HJURP: variants seen among roughly 807,000 people sequenced by gnomAD.
The protein encoded by HJURP is 14-3-3-associated AKT substrate.
A neutral mutation model predicts 72.0 loss-of-function variants in HJURP; 49 were observed. That is an observed-to-expected ratio of 0.68 (90% CI 0.54 to 0.86). HJURP has a LOEUF of 0.86. HJURP is among the 40% of genes least tolerant of loss of function. The probability of loss-of-function intolerance (pLI) is 0.00; values close to 1 mark genes in which losing one functional copy is unlikely to be tolerated. For missense variants in HJURP, 908 were observed against 936.3 expected (o/e 0.97, Z 0.39); for synonymous variants, 357 against 347.1 (o/e 1.03, Z -0.32).
In HJURP at chr2:233,854,494, C is replaced by G. The variant is rs200911857; in HGVS notation, c.7G>C (p.Gly3Arg). ML[G>R]TLRAMEGEDV... ...TCGCCCTCCATGGCGCGCAGCGTAC[C>G]CAGCATCGGACCCAGCCAGTACCCA... Residue 3 changes from glycine (G) to arginine (R), a missense_variant, in exon 1 of 9, where the codon GGT becomes CGT. Physicochemically the swap from Gly to Arg is moderately radical, Grantham distance 125. Transcript: ENST00000411486. The G allele has an allele frequency of 3.7e-4, 597 of 1,611,248 alleles. 4 individuals carry two copies. Among genetic ancestry groups the G allele is most frequent in the Non-Finnish European group, 1.2e-5 (14 of 1,178,494 alleles).
chr2:233,841,442 G>A lies in HJURP; in HGVS notation c.1338C>T (p.Cys446=). The change falls in exon 8 of 9, where the codon TGC becomes TGT. Residue 446 remains cysteine, a synonymous_variant. Transcript: ENST00000411486. ...GGCGAGGCTGGTTCCTGGGACTCAG[G>A]CAATATTCCCGATGAAGCTGATCAA... ...IRFDQLHREY[C]LSPRNQPRRM... 1.2e-6 allele frequency: 2 copies of A among 1,614,216 alleles called. No homozygotes were observed. The highest frequency in any genetic ancestry group is 1.7e-6 in the Non-Finnish European group (2 of 1,180,040).
In HJURP at chr2:233,849,829, C is replaced by G; in HGVS notation, c.271G>C (p.Asp91His). The change falls in exon 4 of 9, where the codon GAT (aspartate) becomes CAT (histidine). Residue 91 changes from aspartate to histidine, a missense_variant. By Grantham distance (81) the Asp-to-His change is moderately conservative (BLOSUM62 -1). Coordinates refer to ENST00000411486, the MANE Select transcript of HJURP (RefSeq NM_018410.5). ...CAGGCTGCAGCTTGCACGGAGCCAT[C>G]TGTCCTGTCCGCGGGCTTCATGGAG... ...DSSMKPADRT[D>H]GSVQAAAWGP... 6.4e-7 allele frequency: 1 copy of G among 1,553,522 alleles called. No individual in the cohort carries two copies. The highest frequency in any genetic ancestry group is 8.7e-7 in the Non-Finnish European group (1 of 1,147,860).
chr2:233,848,507 G>T (rs575435496), intron 4 of HJURP, among the ~76,000 whole-genome samples: 1 of 152,304 alleles, frequency 6.6e-6, no homozygotes, highest in East Asian at 1.9e-4. Context: ...GTGCTCAGCG[G>T]GGACATGAGA....
intron 2 of HJURP, among the ~76,000 whole-genome samples, 190 bp from the exon 3 acceptor site, chr2:233,852,810 A>G (rs1246860607): frequency 3.3e-5 from 5 of 152,216 alleles, no homozygotes; most frequent in Non-Finnish European, 5.9e-5. Context: ...TTCGTCATTC[A>G]TGGAAATCTC....
rs36103039 is a variant in HJURP, at chr2:233,837,328, CAA to C, written c.*247_*248del. On this transcript the variant is annotated 3_prime_UTR_variant, in exon 9 of 9. Coordinates refer to ENST00000411486, the MANE Select transcript of HJURP (RefSeq NM_018410.5). ...AACAAACAAACAAATAACCCCCCCC[CAA>C]AAAAAACACACACATCAGAAAAACA... 2.4e-5 allele frequency: 7 copies of C among 294,146 alleles called. No homozygotes were observed. Among genetic ancestry groups the C allele is most frequent in the African/African-American group, 1.4e-4 (6 of 42,180 alleles). 18.2% of individuals were successfully genotyped at this position (294,146 alleles called of 1,614,324 possible). A position where few individuals can be genotyped will look rare whatever the true frequency, so the allele number is the denominator to read the frequency against.
At chr2:233,849,066 A>G (rs962521091) in intron 4 of HJURP, among the ~76,000 whole-genome samples, 10 of 152,230 alleles carry the variant, frequency 6.6e-5, no homozygotes, top group African/African-American at 2.4e-4. Context: ...AACCTCACCC[A>G]GAGTTGGGCT....
rs1705353196 is a variant in HJURP at position 233,846,030 on chromosome 2, C to CACA, written c.403-211_403-210insTGT. 4.1e-6 allele frequency: 2 copies of CACA among 488,390 alleles called. No individual in the cohort carries two copies. The highest frequency in any genetic ancestry group is 3.3e-5 in the East Asian group (1 of 30,592). 30.3% of individuals were successfully genotyped at this position (488,390 alleles called of 1,614,324 possible). A position where few individuals can be genotyped will look rare whatever the true frequency, so the allele number is the denominator to read the frequency against. The stretch of plus-strand genomic sequence containing the variant: ...AAGAATGTAAAAAGACACACACACA[C>CACA]AAAAAAACCATGTCTAGAGAAGTTT... On this transcript the variant is annotated intron_variant, in intron 5 of 8. Transcript: ENST00000411486. The surrounding 1 kb of genome is among the most constrained non-coding windows in gnomAD (Gnocchi z 4.3).
rs747885483 is a variant in HJURP, at chr2:233,841,928, G to A, written c.852C>T (p.Ser284=). ...AGTTTTGCATGATGAACGTTTTGGT[G>A]GAGATGATGCTTGATGGCTTTGTGC... ...LLSTKPSSII[S]TKTFIMQNWN... is the part of the protein sequence containing the mutation. The change falls in exon 8 of 9, where the codon TCC becomes TCT. Residue 284 remains serine, a synonymous_variant. Coordinates refer to ENST00000411486, the MANE Select transcript of HJURP (RefSeq NM_018410.5). The A allele has an allele frequency of 1.9e-6, 3 of 1,614,050 alleles. No homozygotes were observed. Among genetic ancestry groups the A allele is most frequent in the African/African-American group, 1.3e-5 (1 of 74,924 alleles).
chr2:233,850,013 A>G (rs1252019235), intron 3 of HJURP, among the ~76,000 whole-genome samples, 154 bp from the exon 4 acceptor site: 2 of 152,234 alleles, frequency 1.3e-5, no homozygotes, highest in South Asian at 2.1e-4. Flanking sequence ...TCCACTTTAT[A>G]AGAGGCCTCA....
intron 7 of HJURP, among the ~76,000 whole-genome samples, chr2:233,842,600 A>AT (rs34711279): frequency 0.68 from 103,646 of 151,466 alleles, 36,468 homozygotes; most frequent in East Asian, 0.87. Flanking sequence ...TTAAAAAAAA[A>AT]AAACCAACAG....
Position 233,847,461 on chromosome 2 carries a change from T to C in HJURP, c.338A>G (p.Asp113Gly). ...LPSHRTVLGADSKSGEVDATS... is the reference protein window; with the variant it reads ...LPSHRTVLGAGSKSGEVDATS... ...GGCATCGACCTCACCGCTTTTTGAA[T>C]CTAAAAGTCAAACAAGTAAATCTCA... The change falls in exon 5 of 9, where the codon GAT becomes GGT. Residue 113 changes from aspartate to glycine, a missense_variant and splice_region_variant. Around this residue, in one of 3 missense-constraint regions of HJURP, gnomAD observed 299 missense variants for 286.7 expected, o/e 1.04. Coordinates refer to ENST00000411486, the MANE Select transcript of HJURP (RefSeq NM_018410.5). 1 of 1,613,740 alleles carries C rather than the reference T, an allele frequency of 6.2e-7. No homozygotes were observed. The highest frequency in any genetic ancestry group is 8.5e-7 in the Non-Finnish European group (1 of 1,179,602).
At chr2:233,840,022 A>T (rs1705180503) in intron 8 of HJURP, among the ~76,000 whole-genome samples, 1 of 152,182 alleles carries the variant, frequency 6.6e-6, no homozygotes, top group South Asian at 2.1e-4. Context: ...CTCTAGAGAA[A>T]AGGGCACACG....
rs545856531 is a variant in HJURP at position 233,841,177 on chromosome 2, G to A, written c.1603C>T (p.Arg535Cys). The change falls in exon 8 of 9, where the codon CGC becomes TGC. Residue 535 changes from arginine to cysteine, a missense_variant. Arg to Cys is a radical substitution (Grantham distance 180). Transcript: ENST00000411486. ...TGAAGGTCAGATGTCTGCTGCGGGC[G>A]AGTTGCGCTGTGTGTGGGGTTGGTC... is the stretch of plus-strand genomic sequence containing the variant. ...PKTNPTHSAT[R>C]PQQTSDLHVQ... is the part of the protein sequence containing the mutation. 31 of 1,614,090 alleles carry A rather than the reference G, an allele frequency of 1.9e-5. No individual in the cohort carries two copies. The highest frequency in any genetic ancestry group is 6.7e-5 in the East Asian group (3 of 44,902).
At chr2:233,844,664 C>T (rs1384938410) in intron 6 of HJURP, among the ~76,000 whole-genome samples, 1 of 152,120 alleles carries the variant, frequency 6.6e-6, no homozygotes, top group African/African-American at 2.4e-5. Context: ...CTAATCTGTT[C>T]CCTGGATCAA....
In HJURP at chr2:233,845,682, T is replaced by C. The variant is rs753132657; in HGVS notation, c.495+46A>G. ...TAACACTGTACCTCAATGTATTTAG[T>C]TTATGATCTAATTATATAAAAACAA... On this transcript the variant is annotated intron_variant, in intron 6 of 8. Coordinates refer to ENST00000411486, the MANE Select transcript of HJURP (RefSeq NM_018410.5). 6.5e-6 allele frequency: 8 copies of C among 1,229,274 alleles called. No homozygotes were observed. The South Asian group carries it at 9.9e-5, about 15-fold the overall frequency. The allele number at this position is 1,229,274 out of a possible 1,614,324, so 76.1% of individuals were successfully genotyped here.
At chr2:233,837,986 G>A (rs1465028723) in intron 8 of HJURP, among the ~76,000 whole-genome samples, 1 of 152,198 alleles carries the variant, frequency 6.6e-6, no homozygotes, top group Non-Finnish European at 1.5e-5. Context: ...AGGAGAGACA[G>A]CCTGCCTATT....
At chr2:233,839,611 C>A (rs1207170987) in intron 8 of HJURP, among the ~76,000 whole-genome samples, 9 of 152,242 alleles carry the variant, frequency 5.9e-5, no homozygotes, top group Admixed American at 4.6e-4. Flanking sequence ...ACAGAAGGAA[C>A]AAGGCATACC....
rs776596536 is a variant in HJURP, at chr2:233,840,784, G to A, written c.1996C>T (p.Arg666Cys). 2.4e-5 allele frequency: 38 copies of A among 1,613,516 alleles called. No homozygotes were observed. The highest frequency in any genetic ancestry group is 1.7e-4 in the Middle Eastern group (1 of 6,058). The change falls in exon 8 of 9, where the codon CGT becomes TGT. Residue 666 changes from arginine (R) to cysteine (C), a missense_variant. Coordinates refer to ENST00000411486, the MANE Select transcript of HJURP (RefSeq NM_018410.5). ...CTCGTGCCATCCCTCGTGATGGCAC[G>A]AGCAACACATGTAGATGAAGGAGCC... ...IEAPSSTCVA[R>C]AITRDGTRDH... is the part of the protein sequence containing the mutation.
chr2:233,837,783 A>G, intron 8 of HJURP, 131 bp from the exon 9 acceptor site: 1 of 646,066 alleles, frequency 1.5e-6, no homozygotes, highest in South Asian at 1.9e-5. Flanking sequence ...AAGTGGCATT[A>G]CGTTAAATAA....
Sources: gnomAD v4.1 joint callset for allele counts (sites outside exome capture counted in the v4.1 genomes callset) on GRCh38, gnomAD v4.1.1 for gene constraint, gnomAD v4.1.1 regional missense constraint, Gnocchi (gnomAD v3.1) non-coding constraint, MANE v1.5 for transcripts, NCBI Gene and HGNC (gene_info 2026-07-23, HGNC 2026-07-21) for gene names.